SRD5A2: variants seen among roughly 807,000 people sequenced by gnomAD.
SRD5A2 encodes the protein steroid 5 alpha-reductase 2.
SRD5A2 carries 30 observed loss-of-function variants against 27.4 expected under a neutral mutation model. The observed-to-expected ratio is 1.10, with a 90% CI of 0.82 to 1.49. The LOEUF (loss-of-function observed/expected upper bound fraction) is 1.49. Ranked by LOEUF, SRD5A2 falls within the 40% of genes most tolerant of loss-of-function variation. The pLI, the probability that SRD5A2 is intolerant of heterozygous loss-of-function variation, is 0.00. For synonymous variants in SRD5A2, 141 were observed against 133.6 expected (o/e 1.06, Z -0.38); for missense variants, 348 against 323.4 (o/e 1.08, Z -0.58).
intron 1 of SRD5A2, among the ~76,000 whole-genome samples, chr2:31,549,841 T>G (rs896199696): frequency 6.6e-6 from 1 of 152,060 alleles, no homozygotes; most frequent in African/African-American, 2.4e-5. Flanking sequence ...CTAGGAAAAC[T>G]AGAAAATCAG....
chr2:31,626,383 T>C, the SRD5A2 span, among the ~76,000 whole-genome samples: 1 of 152,182 alleles, frequency 6.6e-6, no homozygotes, highest in East Asian at 1.9e-4. Context: ...GGCCAGAACT[T>C]CCAATACTAT....
At chr2:31,656,888 C>T in the SRD5A2 span, among the ~76,000 whole-genome samples, 2 of 152,176 alleles carry the variant, frequency 1.3e-5, no homozygotes, top group African/African-American at 4.8e-5. Context: ...TATTCCTTCT[C>T]TAAGAATCCA....
intron 1 of SRD5A2, among the ~76,000 whole-genome samples, chr2:31,580,132 C>A (rs1052577346): frequency 6.6e-6 from 1 of 152,316 alleles, no homozygotes; most frequent in East Asian, 1.9e-4. Flanking sequence ...CTGAGTTTCC[C>A]TCGGGAGATG....
Position 31,525,482 on chromosome 2 carries a change from T to G in SRD5A2, c.*714A>C. The G allele has an allele frequency of 4.4e-6, 1 of 225,376 alleles. No individual in the cohort carries two copies. The highest frequency in any genetic ancestry group is 8.8e-6 in the Non-Finnish European group (1 of 113,174). The allele number at this position is 225,376 out of a possible 1,614,324, so 14.0% of individuals were successfully genotyped here. ...TTCATGCCTTTTTGTTTGTGGTTATTAAAACCTGGCCTTCAAGAATAGCCA... is the reference window on the plus strand; with the variant it reads ...TTCATGCCTTTTTGTTTGTGGTTATGAAAACCTGGCCTTCAAGAATAGCCA... On this transcript the variant is annotated 3_prime_UTR_variant, in exon 5 of 5. Transcript: ENST00000622030.
the SRD5A2 span, among the ~76,000 whole-genome samples, chr2:31,607,798 T>G: frequency 2.0e-5 from 3 of 152,006 alleles, no homozygotes; most frequent in Admixed American, 1.3e-4. Context: ...AATGTTTGTA[T>G]CCTCCAAAAT....
At chr2:31,637,986 C>T in the SRD5A2 span, among the ~76,000 whole-genome samples, 44 of 151,698 alleles carry the variant, frequency 2.9e-4, 1 homozygote, top group Admixed American at 2.9e-3. Context: ...TTGGCTTATT[C>T]TTCCTTTTCT....
the SRD5A2 span, among the ~76,000 whole-genome samples, chr2:31,657,104 G>A: frequency 6.6e-6 from 1 of 152,178 alleles, no homozygotes; most frequent in African/African-American, 2.4e-5. Context: ...CTAGGATCCT[G>A]AAACACAACA....
At chr2:31,581,521 C>T (rs1167416236), upstream of SRD5A2, among the ~76,000 whole-genome samples, 5 of 152,140 alleles carry the variant, frequency 3.3e-5, no homozygotes, top group Non-Finnish European at 7.3e-5. Flanking sequence ...CAGCTCTGCC[C>T]CACCACACGC....
intron 1 of SRD5A2, among the ~76,000 whole-genome samples, chr2:31,560,554 C>A (rs148678260): frequency 6.6e-6 from 1 of 152,208 alleles, no homozygotes; most frequent in South Asian, 2.1e-4. Context: ...CAATGCTTTG[C>A]CCAATATAGG....
intron 1 of SRD5A2, among the ~76,000 whole-genome samples, chr2:31,534,072 A>T (rs1665973507): frequency 6.6e-6 from 1 of 152,218 alleles, no homozygotes; most frequent in Admixed American, 6.5e-5. Flanking sequence ...AATTTTAAAT[A>T]AGTACAATAA....
the SRD5A2 span, among the ~76,000 whole-genome samples, chr2:31,643,960 T>C: frequency 1.3e-5 from 2 of 152,212 alleles, no homozygotes; most frequent in Non-Finnish European, 2.9e-5. Context: ...TGTGAAAGCA[T>C]TCTAAAGAGC....
At chr2:31,560,055 TCC>T (rs67240045) in intron 1 of SRD5A2, among the ~76,000 whole-genome samples, 14,645 of 122,082 alleles carry the variant, frequency 0.12, 949 homozygotes, top group East Asian at 0.2. Flanking sequence ...TACATACCAA[TCC>T]CCCCCCCCCC....
the SRD5A2 span, among the ~76,000 whole-genome samples, chr2:31,617,292 G>A: frequency 6.6e-6 from 1 of 152,090 alleles, no homozygotes; most frequent in Admixed American, 6.5e-5. Flanking sequence ...GTGCAACTGG[G>A]ACACAGGGCA....
At chr2:31,654,430 T>A in the SRD5A2 span, among the ~76,000 whole-genome samples, 1 of 152,024 alleles carries the variant, frequency 6.6e-6, no homozygotes, top group Non-Finnish European at 1.5e-5. Context: ...TAGTTCAGAG[T>A]TGTCAGAGTA....
chr2:31,661,202 C>T, the SRD5A2 span, among the ~76,000 whole-genome samples: 1 of 152,110 alleles, frequency 6.6e-6, no homozygotes, highest in Admixed American at 6.6e-5. Flanking sequence ...ATCTGGCCAG[C>T]TACATTTTTG....
At chr2:31,634,652 A>T in the SRD5A2 span, among the ~76,000 whole-genome samples, 2 of 152,100 alleles carry the variant, frequency 1.3e-5, no homozygotes, top group East Asian at 3.9e-4. Context: ...TAATAAATAC[A>T]TTCATATTCT....
intron 1 of SRD5A2, among the ~76,000 whole-genome samples, chr2:31,573,260 G>A (rs1330440279): frequency 6.6e-6 from 1 of 152,126 alleles, no homozygotes; most frequent in Non-Finnish European, 1.5e-5. Flanking sequence ...ATAATATAAT[G>A]CCTGGAACAC....
chr2:31,560,607 C>G (rs764131838), intron 1 of SRD5A2, among the ~76,000 whole-genome samples: 3 of 152,144 alleles, frequency 2.0e-5, no homozygotes, highest in Non-Finnish European at 2.9e-5. Flanking sequence ...CTTTTTCCAC[C>G]TTTTTTGCTG....
At position 31,523,042 on chromosome 2, in the gene SRD5A2, G is replaced by A. The variant is rs563441269; in HGVS notation, c.*3154C>T. On this transcript the variant is annotated 3_prime_UTR_variant, in exon 5 of 5. Coordinates refer to ENST00000622030, the MANE Select transcript of SRD5A2 (RefSeq NM_000348.4). The stretch of plus-strand genomic sequence containing the variant: ...GCCGCCTAAATAGCTGTTTAATTGC[G>A]TATTTCTCATTAGAGCTCCTTTTTC... 33 of 217,860 alleles carry A rather than the reference G, an allele frequency of 1.5e-4. No individual in the cohort carries two copies. In the Middle Eastern group the frequency reaches 4.3e-3, roughly 28 times the overall value. 13.5% of individuals were successfully genotyped at this position (217,860 alleles called of 1,614,324 possible). A position where few individuals can be genotyped will look rare whatever the true frequency, so the allele number is the denominator to read the frequency against.
Sources: allele counts gnomAD v4.1 joint callset (sites outside exome capture counted in the v4.1 genomes callset), GRCh38; gene constraint gnomAD v4.1.1; transcripts MANE v1.5; gene names NCBI Gene and HGNC (gene_info 2026-07-23, HGNC 2026-07-21).